Variants in PROM1 observed in about 807,000 individuals in gnomAD.
PROM1 encodes prominin 1, also known as prominin-1.
Under a neutral mutation model 116.9 loss-of-function variants are expected in PROM1, and 105 were observed. The ratio of observed to expected loss-of-function variants is 0.90; its 90% confidence interval spans 0.77 to 1.06. The LOEUF (loss-of-function observed/expected upper bound fraction) is 1.06. Ranked by LOEUF, PROM1 falls within the 50% of genes least tolerant of loss-of-function variation. The probability of loss-of-function intolerance (pLI) is 0.00; values close to 1 mark genes in which losing one functional copy is unlikely to be tolerated. For missense variants in PROM1, 1,122 were observed against 1,045.2 expected, an observed-to-expected ratio of 1.07 and a Z score of -1.01; for synonymous variants, 393 against 387.0, an observed-to-expected ratio of 1.02 and a Z score of -0.18.
intron 8 of PROM1, among the ~76,000 whole-genome samples, chr4:16,020,031 G>T (rs7667527): frequency 0.067 from 10,159 of 152,134 alleles, 730 homozygotes; most frequent in East Asian, 0.19. Flanking sequence ...ATAAATTAGG[G>T]AGTGTGTTGG....
chr4:16,055,001 C>T (rs191386772), intron 2 of PROM1, among the ~76,000 whole-genome samples: 39 of 152,288 alleles, frequency 2.6e-4, no homozygotes, highest in East Asian at 1.7e-3. Flanking sequence ...ATTTATTCTA[C>T]GTAAATACAT....
intron 4 of PROM1, 74 bp downstream of exon 4, chr4:16,035,661 T>C: frequency 7.2e-7 from 1 of 1,396,226 alleles, no homozygotes; most frequent in South Asian, 1.2e-5. Context: ...TTTAAAAATC[T>C]TCACAGTGAG....
intron 26 of PROM1, among the ~76,000 whole-genome samples, chr4:15,974,118 TTCTCTC>T (rs35011290): frequency 1.2e-4 from 18 of 149,284 alleles, no homozygotes; most frequent in South Asian, 4.3e-4. Flanking sequence ...CTCTCTCTCT[TTCTCTC>T]TCTCTCTCTC....
intron 13 of PROM1, among the ~76,000 whole-genome samples, chr4:16,004,992 C>T (rs1203994078): frequency 7.8e-6 from 1 of 127,414 alleles, no homozygotes; most frequent in East Asian, 2.5e-4. Context: ...GACAGAGTCT[C>T]ACTCTGTCGC....
chr4:16,063,661 A>T (rs1740864038), intron 2 of PROM1, among the ~76,000 whole-genome samples: 1 of 152,248 alleles, frequency 6.6e-6, no homozygotes, highest in Non-Finnish European at 1.5e-5. Flanking sequence ...TATGGACGTT[A>T]TGTGTATCCT....
chr4:15,979,595 A>G lies in PROM1; in HGVS notation c.2514-132T>C, dbSNP rs1046518830. The G allele has an allele frequency of 5.1e-6, 7 of 1,367,176 alleles. No homozygotes were observed. The African/African-American group carries it at 8.8e-5, about 17-fold the overall frequency. 84.7% of individuals were successfully genotyped at this position (1,367,176 alleles called of 1,614,324 possible). A position where few individuals can be genotyped will look rare whatever the true frequency, so the allele number is the denominator to read the frequency against. ...TTTGTTAAATCTAAAAAAAAGACAA[A>G]TGAGTAATTGACATTTTGCTCCTTT... is the stretch of plus-strand genomic sequence containing the variant. On this transcript the variant is annotated intron_variant, in intron 25 of 27. Transcript: ENST00000447510.
At chr4:15,994,880 G>A (rs1441652230) in intron 15 of PROM1, among the ~76,000 whole-genome samples, 1 of 152,126 alleles carries the variant, frequency 6.6e-6, no homozygotes, top group Non-Finnish European at 1.5e-5. Context: ...GAGAACAAGC[G>A]GGTTGGTGTT....
chr4:16,063,275 A>T (rs1740767483), intron 2 of PROM1, among the ~76,000 whole-genome samples: 1 of 152,204 alleles, frequency 6.6e-6, no homozygotes, highest in Non-Finnish European at 1.5e-5. Flanking sequence ...AGGGAAAAAG[A>T]CATAAAGGTG....
At chr4:16,064,514 T>C (rs1385311327) in intron 2 of PROM1, among the ~76,000 whole-genome samples, 3 of 152,206 alleles carry the variant, frequency 2.0e-5, no homozygotes, top group Non-Finnish European at 2.9e-5. Flanking sequence ...ACGATCTGAG[T>C]ACTAGTTACA....
chr4:16,052,151 C>G (rs534668322), intron 2 of PROM1, among the ~76,000 whole-genome samples: 15 of 152,290 alleles, frequency 9.8e-5, no homozygotes, highest in African/African-American at 3.6e-4. Context: ...TTTGTGAGAG[C>G]TGAGCCTGAA....
intron 2 of PROM1, among the ~76,000 whole-genome samples, chr4:16,068,151 G>A (rs775823218): frequency 1.2e-4 from 18 of 152,272 alleles, no homozygotes; most frequent in Non-Finnish European, 2.2e-4. Context: ...ATATGTCACT[G>A]AGTGCCCTGA....
At chr4:16,021,386 T>C (rs545156727) in intron 8 of PROM1, among the ~76,000 whole-genome samples, 4 of 152,158 alleles carry the variant, frequency 2.6e-5, no homozygotes, top group African/African-American at 4.8e-5. Context: ...GCCTTCACTG[T>C]TACTTAATTT....
intron 27 of PROM1, 141 bp from the exon 28 acceptor site, chr4:15,969,509 T>C (rs1352785048): frequency 3.3e-5 from 5 of 152,152 alleles, no homozygotes; most frequent in Non-Finnish European, 7.4e-5. Flanking sequence ...GGCACAGCAA[T>C]ATGTTTGTTG....
chr4:15,989,772 G>C lies in PROM1; in HGVS notation c.2036C>G (p.Thr679Arg). The C allele has an allele frequency of 6.2e-7, 1 of 1,609,924 alleles. No homozygotes were observed. Among genetic ancestry groups the C allele is most frequent in the Non-Finnish European group, 8.5e-7 (1 of 1,177,712 alleles). The change falls in exon 19 of 28, where the codon ACA (threonine) becomes AGA (arginine). Residue 679 changes from threonine (T) to arginine (R), a missense_variant. Transcript: ENST00000447510. ...SLKRDAQTIK[T>R]IHQQRVLPIE... is the part of the protein sequence containing the mutation. ...AGGAAGGACTCGTTGCTGGTGAATTGTTTTAATAGTTTGTGCATCTCTTTT... is the reference window on the plus strand; with the variant it reads ...AGGAAGGACTCGTTGCTGGTGAATTCTTTTAATAGTTTGTGCATCTCTTTT...
At chr4:16,063,005 G>A (rs1424851640) in intron 2 of PROM1, among the ~76,000 whole-genome samples, 2 of 152,186 alleles carry the variant, frequency 1.3e-5, no homozygotes, top group African/African-American at 4.8e-5. Context: ...AATCTAGACA[G>A]TGATCATCAT....
chr4:16,041,851 C>T (rs996013240), intron 2 of PROM1, among the ~76,000 whole-genome samples: 8 of 150,556 alleles, frequency 5.3e-5, no homozygotes, highest in Admixed American at 5.3e-4. Flanking sequence ...CTTAGATATA[C>T]CCAATCTCAG....
intron 12 of PROM1, among the ~76,000 whole-genome samples, chr4:16,007,440 A>G (rs975132843): frequency 6.6e-6 from 1 of 152,234 alleles, no homozygotes; most frequent in Non-Finnish European, 1.5e-5. Flanking sequence ...GACACTAAAA[A>G]ACAAAGAATT....
chr4:15,977,082 C>T (rs1716324442), intron 26 of PROM1, among the ~76,000 whole-genome samples: 1 of 152,180 alleles, frequency 6.6e-6, no homozygotes, highest in Non-Finnish European at 1.5e-5. Context: ...CCAACCTTGA[C>T]TTCTCCCCCT....
chr4:16,045,527 T>C (rs1736339394), intron 2 of PROM1, among the ~76,000 whole-genome samples: 1 of 152,128 alleles, frequency 6.6e-6, no homozygotes, highest in Non-Finnish European at 1.5e-5. Flanking sequence ...CTTACCCTAA[T>C]ACAACACACC....
Sources: allele counts gnomAD v4.1 joint callset (sites outside exome capture counted in the v4.1 genomes callset), GRCh38; gene constraint gnomAD v4.1.1; transcripts MANE v1.5; gene names NCBI Gene and HGNC (gene_info 2026-07-23, HGNC 2026-07-21).